DPP8: variants seen among roughly 807,000 people sequenced by gnomAD.
The protein encoded by DPP8 is dipeptidyl peptidase 8, also known as DPP VIII.
In DPP8, 31 loss-of-function variants were observed where a neutral mutation model predicts 107.5. That is an observed-to-expected ratio of 0.29 (90% CI 0.22 to 0.39). The LOEUF (loss-of-function observed/expected upper bound fraction) is 0.39. DPP8 is among the 10% of genes least tolerant of loss of function. DPP8 has a pLI of 1.00. For missense variants in DPP8, 842 were observed against 1,076.1 expected, an observed-to-expected ratio of 0.78 and a Z score of 3.04; for synonymous variants, 381 against 356.6, an observed-to-expected ratio of 1.07 and a Z score of -0.77.
At chr15:65,455,641 C>CA (rs1284516430) in intron 16 of DPP8, 44 of 1,175,370 alleles carry the variant, frequency 3.7e-5, no homozygotes, top group Non-Finnish European at 4.6e-5. Context: ...AAAATAAAAA[C>CA]AAAAAAACTT....
At chr15:65,472,522 AC>A (rs1158969781) in intron 12 of DPP8, among the ~76,000 whole-genome samples, 2 of 151,058 alleles carry the variant, frequency 1.3e-5, no homozygotes, top group Admixed American at 1.3e-4. Flanking sequence ...CTGTTACTGA[AC>A]TCTTGGCCTC....
At chr15:65,448,937 A>G (rs2063761326) in intron 19 of DPP8, among the ~76,000 whole-genome samples, 1 of 112,156 alleles carries the variant, frequency 8.9e-6, no homozygotes, top group Non-Finnish European at 1.8e-5. Context: ...GCCTGGGTGT[A>G]GTGGCTCACG....
At chr15:65,483,967 C>T (rs2067169723) in intron 8 of DPP8, among the ~76,000 whole-genome samples, 1 of 152,152 alleles carries the variant, frequency 6.6e-6, no homozygotes, top group East Asian at 1.9e-4. Context: ...GACCAAACTA[C>T]ATATTGTATG....
intron 3 of DPP8, among the ~76,000 whole-genome samples, chr15:65,502,570 C>G (rs1048634673): frequency 2.6e-5 from 4 of 151,670 alleles, no homozygotes; most frequent in African/African-American, 9.7e-5. Flanking sequence ...CCCGGCTACT[C>G]AGAAGGCTGA....
intron 15 of DPP8, among the ~76,000 whole-genome samples, chr15:65,457,538 A>AT (rs948570849): frequency 1.3e-5 from 2 of 151,312 alleles, no homozygotes; most frequent in Non-Finnish European, 2.9e-5. Flanking sequence ...TAATTTTTAA[A>AT]TTTTTTTGTA....
intron 3 of DPP8, chr15:65,502,893 C>T (rs2069419007): frequency 6.6e-6 from 1 of 151,702 alleles, no homozygotes; most frequent in South Asian, 2.1e-4. Flanking sequence ...AAGAGCAAGA[C>T]GTGTATATGG....
rs573891240 is a variant in DPP8 at position 65,472,712 on chromosome 15, C to T, written c.1536+1497G>A. ...CTAGGCTCTAAAACTATGAATATGCCCCTTTCTCATCAAGGAGCAATAATA... is the reference window on the plus strand; with the variant it reads ...CTAGGCTCTAAAACTATGAATATGCTCCTTTCTCATCAAGGAGCAATAATA... On this transcript the variant is annotated intron_variant, in intron 12 of 19. Transcript: ENST00000300141. 3.9e-5 allele frequency among the ~76,000 whole-genome samples: 6 copies of T among 152,168 alleles called. No individual in the cohort carries two copies. In the South Asian group the frequency reaches 6.2e-4, roughly 16 times the overall value.
intron 15 of DPP8, among the ~76,000 whole-genome samples, chr15:65,460,876 T>C (rs1435649013): frequency 2.0e-5 from 3 of 152,232 alleles, no homozygotes; most frequent in Non-Finnish European, 4.4e-5. Flanking sequence ...ATAGTAATTC[T>C]ATGTTTGACA....
intron 8 of DPP8, 55 bp from the exon 9 acceptor site, chr15:65,481,670 A>G: frequency 1.9e-6 from 2 of 1,040,146 alleles, no homozygotes; most frequent in East Asian, 2.9e-5. Context: ...ATAAATAATT[A>G]GCTTGCTAGT....
In DPP8 at chr15:65,503,268, G is replaced by A. The variant is rs148852974; in HGVS notation, c.373-2489C>T. 4.4e-4 allele frequency among the ~76,000 whole-genome samples: 67 copies of A among 151,494 alleles called. 1 individual carries two copies. In the East Asian group the frequency reaches 9.0e-3, roughly 20 times the overall value. ...ATTATATGCATGCACAACCATGCTC[G>A]GCTAATTTTGTATTTTTAGTAGAGA... On this transcript the variant is annotated intron_variant, in intron 3 of 19. Coordinates refer to ENST00000300141, the MANE Select transcript of DPP8 (RefSeq NM_130434.5).
chr15:65,453,834 G>A (rs191369176), intron 17 of DPP8, among the ~76,000 whole-genome samples: 4 of 151,908 alleles, frequency 2.6e-5, no homozygotes, highest in South Asian at 2.1e-4. Flanking sequence ...TGGGCCAGGC[G>A]CAGTGGCTCA....
intron 5 of DPP8, among the ~76,000 whole-genome samples, chr15:65,490,943 A>G (rs913541160): frequency 1.3e-5 from 2 of 152,040 alleles, no homozygotes; most frequent in African/African-American, 4.8e-5. Context: ...ACAGATCACA[A>G]GGTCAGGAGT....
chr15:65,488,921 G>A (rs1424089659), intron 6 of DPP8, among the ~76,000 whole-genome samples: 4 of 152,066 alleles, frequency 2.6e-5, no homozygotes, highest in African/African-American at 9.7e-5. Context: ...AGACTCTCTA[G>A]TCAATCACAC....
intron 4 of DPP8, 142 bp downstream of exon 4, chr15:65,500,464 T>G: frequency 1.5e-6 from 1 of 654,976 alleles, no homozygotes; most frequent in Non-Finnish European, 2.6e-6. Context: ...AATCTCCATG[T>G]TTCTTGTTTT....
In DPP8 at chr15:65,475,286, C is replaced by T. The variant is rs551411532; in HGVS notation, c.1457-998G>A. On this transcript the variant is annotated intron_variant, in intron 11 of 19. Transcript: ENST00000300141. ...AGAGGCTAGAGAGACCCAAATACCT[C>T]TATTCCACCCCAGTGGTAGGTGGAA... 240 of 678,850 alleles carry T rather than the reference C, an allele frequency of 3.5e-4. 2 individuals carry two copies. The South Asian group carries it at 3.8e-3, about 11-fold the overall frequency. The allele number at this position is 678,850 out of a possible 1,614,324, so 42.1% of individuals were successfully genotyped here.
chr15:65,495,872 A>T lies in DPP8; in HGVS notation c.715+1992T>A, dbSNP rs1010002327. Among the ~76,000 whole-genome samples, 68 of 152,108 alleles carry T rather than the reference A, an allele frequency of 4.5e-4. 1 individual carries two copies. The highest frequency in any genetic ancestry group is 4.2e-3 in the Admixed American group (64 of 15,268). On this transcript the variant is annotated intron_variant, in intron 5 of 19. Transcript: ENST00000300141. ...ACTCCAGCCTGGGTGACACAGTAAGACTCTGTCTCAAAAACAAACAACAAC... is the reference window on the plus strand; with the variant it reads ...ACTCCAGCCTGGGTGACACAGTAAGTCTCTGTCTCAAAAACAAACAACAAC...
intron 16 of DPP8, chr15:65,455,812 G>A (rs2064364421): frequency 3.1e-6 from 4 of 1,290,540 alleles, no homozygotes; most frequent in Non-Finnish European, 4.0e-6. Context: ...AGGACATGGG[G>A]CATCTCTAAA....
chr15:65,476,702 A>G (rs1456520544), intron 11 of DPP8, among the ~76,000 whole-genome samples: 1 of 152,206 alleles, frequency 6.6e-6, no homozygotes. Flanking sequence ...TACATACCCA[A>G]AAGAATTGAA....
intron 11 of DPP8, among the ~76,000 whole-genome samples, chr15:65,475,928 T>C (rs2066347477): frequency 6.6e-6 from 1 of 152,144 alleles, no homozygotes; most frequent in African/African-American, 2.4e-5. Context: ...TTTTTTTGTC[T>C]TTTTTGTAGA....
Sources: allele counts gnomAD v4.1 joint callset (sites outside exome capture counted in the v4.1 genomes callset), GRCh38; gene constraint gnomAD v4.1.1; transcripts MANE v1.5; gene names NCBI Gene and HGNC (gene_info 2026-07-23, HGNC 2026-07-21).